Variants in NLGN1 observed in about 807,000 individuals in gnomAD.
NLGN1 encodes the protein neuroligin-1.
In NLGN1, 12 loss-of-function variants were observed where a neutral mutation model predicts 65.5. That is an observed-to-expected ratio of 0.18 (90% CI 0.12 to 0.30). NLGN1 has a LOEUF of 0.30. Among genes scored for constraint, NLGN1 ranks in the 10% least tolerant of loss-of-function variants. The probability of loss-of-function intolerance (pLI) is 1.00; values close to 1 mark genes in which losing one functional copy is unlikely to be tolerated. For missense variants in NLGN1, 750 were observed against 1,007.1 expected, an observed-to-expected ratio of 0.74 and a Z score of 3.46; for synonymous variants, 350 against 359.5, an observed-to-expected ratio of 0.97 and a Z score of 0.30.
chr3:173,763,010 A>G (rs533926780), intron 3 of NLGN1, among the ~76,000 whole-genome samples: 25 of 151,238 alleles, frequency 1.7e-4, no homozygotes, highest in African/African-American at 5.8e-4. Flanking sequence ...AGAATCTTTG[A>G]CAGTCATGAG....
At chr3:174,002,093 A>T (rs1022793236) in intron 4 of NLGN1, among the ~76,000 whole-genome samples, 2 of 150,550 alleles carry the variant, frequency 1.3e-5, no homozygotes, top group Non-Finnish European at 3.0e-5. Context: ...CCCTACTCAA[A>T]GGCATGAGAC....
intron 4 of NLGN1, among the ~76,000 whole-genome samples, chr3:173,994,976 G>C (rs750827711): frequency 1.1e-4 from 16 of 152,104 alleles, no homozygotes; most frequent in Non-Finnish European, 1.0e-4. Flanking sequence ...AAAAAAAATG[G>C]TTGTCAGTGT....
intron 3 of NLGN1, among the ~76,000 whole-genome samples, chr3:173,615,310 T>A (rs183244190): frequency 1.3e-5 from 2 of 152,260 alleles, no homozygotes; most frequent in East Asian, 3.9e-4. Context: ...TTCCTGTCTC[T>A]CTCAGCCATG....
intron 4 of NLGN1, among the ~76,000 whole-genome samples, chr3:174,137,935 A>G (rs1721517401): frequency 6.6e-6 from 1 of 152,214 alleles, no homozygotes; most frequent in Admixed American, 6.5e-5. Flanking sequence ...AACATTTGGC[A>G]AAGTGTCACT....
At chr3:174,195,865 G>A (rs2152766773) in intron 4 of NLGN1, among the ~76,000 whole-genome samples, 1 of 152,200 alleles carries the variant, frequency 6.6e-6, no homozygotes, top group East Asian at 1.9e-4. Context: ...CATAGATTGG[G>A]CAACCATTTA....
At chr3:174,158,601 G>A (rs1250844209) in intron 4 of NLGN1, among the ~76,000 whole-genome samples, 1 of 151,558 alleles carries the variant, frequency 6.6e-6, no homozygotes, top group Non-Finnish European at 1.5e-5. Context: ...AAATCTACTG[G>A]GTCAGAATTT....
chr3:173,659,893 A>T (rs556314339), intron 3 of NLGN1, among the ~76,000 whole-genome samples: 77 of 151,992 alleles, frequency 5.1e-4, no homozygotes, highest in African/African-American at 1.8e-3. Flanking sequence ...ATTCCTTATC[A>T]CAAAAGTCCA....
intron 4 of NLGN1, among the ~76,000 whole-genome samples, chr3:173,961,800 C>T (rs574348654): frequency 6.6e-6 from 1 of 151,974 alleles, no homozygotes; most frequent in East Asian, 1.9e-4. Context: ...ATAACATTAC[C>T]TCACATAAGC....
At chr3:173,406,296 A>G (rs13060297) in intron 1 of NLGN1, among the ~76,000 whole-genome samples, 3,774 of 151,890 alleles carry the variant, frequency 0.025, 53 homozygotes, top group Admixed American at 0.039. Flanking sequence ...AACTTATGCA[A>G]GGAATTAACT....
chr3:173,564,871 G>C (rs934985313), intron 2 of NLGN1, among the ~76,000 whole-genome samples: 1 of 152,144 alleles, frequency 6.6e-6, no homozygotes, highest in Admixed American at 6.5e-5. Flanking sequence ...CAAGCTAATA[G>C]GAATTCATAA....
intron 4 of NLGN1, among the ~76,000 whole-genome samples, chr3:173,872,255 A>G (rs1731315270): frequency 6.6e-6 from 1 of 152,232 alleles, no homozygotes; most frequent in Admixed American, 6.5e-5. Context: ...CTAGCTATTT[A>G]GTCTAAATTG....
At chr3:173,451,598 G>A (rs964970198) in intron 2 of NLGN1, among the ~76,000 whole-genome samples, 9 of 152,176 alleles carry the variant, frequency 5.9e-5, no homozygotes, top group Admixed American at 3.3e-4. Flanking sequence ...GTCAGACAGG[G>A]ACATTTAAGT....
intron 4 of NLGN1, among the ~76,000 whole-genome samples, chr3:174,248,924 C>T (rs1307648092): frequency 6.6e-6 from 1 of 152,168 alleles, no homozygotes; most frequent in African/African-American, 2.4e-5. Flanking sequence ...TCCTGTCATC[C>T]TCTCCACTCC....
intron 2 of NLGN1, among the ~76,000 whole-genome samples, chr3:173,546,877 A>G (rs760228312): frequency 3.9e-5 from 6 of 152,202 alleles, no homozygotes; most frequent in Admixed American, 6.5e-5. Context: ...GAGAAATACT[A>G]TTTCCTTGCA....
At chr3:173,941,300 A>G (rs11926346) in intron 4 of NLGN1, among the ~76,000 whole-genome samples, 37,152 of 151,628 alleles carry the variant, frequency 0.25, 4,969 homozygotes, top group East Asian at 0.34. Flanking sequence ...ACAACACGTG[A>G]CAAACACAAA....
intron 3 of NLGN1, among the ~76,000 whole-genome samples, chr3:173,704,509 A>G (rs149264938): frequency 9.2e-5 from 14 of 152,308 alleles, no homozygotes; most frequent in African/African-American, 3.4e-4. Flanking sequence ...AAAGAGTTCA[A>G]TTGGTATGAT....
chr3:173,713,664 C>A (rs1188547665), intron 3 of NLGN1, among the ~76,000 whole-genome samples: 4 of 151,942 alleles, frequency 2.6e-5, no homozygotes, highest in Non-Finnish European at 4.4e-5. Context: ...TTTGTATATT[C>A]TTCATTTTTA....
At chr3:173,812,333 T>G (rs984786736) in intron 4 of NLGN1, among the ~76,000 whole-genome samples, 1 of 152,220 alleles carries the variant, frequency 6.6e-6, no homozygotes, top group African/African-American at 2.4e-5. Context: ...TAATTTATTT[T>G]TATTCTATTA....
At chr3:173,500,796 T>A (rs1233189829) in intron 2 of NLGN1, among the ~76,000 whole-genome samples, 3 of 152,078 alleles carry the variant, frequency 2.0e-5, no homozygotes, top group African/African-American at 7.2e-5. Context: ...TCAGCATGGG[T>A]TTAGTCCCCT....
Sources: allele counts gnomAD v4.1 joint callset (sites outside exome capture counted in the v4.1 genomes callset), GRCh38; gene constraint gnomAD v4.1.1; transcripts MANE v1.5; gene names NCBI Gene and HGNC (gene_info 2026-07-23, HGNC 2026-07-21).